NOTCH2NLB: variants seen among roughly 807,000 people sequenced by gnomAD.
NOTCH2NLB encodes the protein notch 2 N-terminal like B.
Under a neutral mutation model 14.8 loss-of-function variants are expected in NOTCH2NLB, and 1 was observed. The observed-to-expected ratio is 0.07, with a 90% CI of 0.02 to 0.32. NOTCH2NLB has a LOEUF of 0.32. Among genes scored for constraint, NOTCH2NLB ranks in the 10% least tolerant of loss-of-function variants. The pLI is 1.00. For missense variants in NOTCH2NLB, 11 were observed against 155.0 expected, an observed-to-expected ratio of 0.07 and a Z score of 4.93; for synonymous variants, 6 against 57.5, an observed-to-expected ratio of 0.10 and a Z score of 4.05.
rs1663576633 is a variant in NOTCH2NLB, at chr1:148,608,436, C to T, written c.338-691G>A. 3.3e-5 allele frequency among the ~76,000 whole-genome samples: 5 copies of T among 151,942 alleles called. No homozygotes were observed. In the South Asian group the frequency reaches 1.0e-3, roughly 32 times the overall value. ...CTTCTGTTTTCCTAGTGAACTCTCC[C>T]TATCTTGGCAACTCTACTCAAAAGT... is the stretch of plus-strand genomic sequence containing the variant. On this transcript the variant is annotated intron_variant, in intron 3 of 4. Transcript: ENST00000593495.
intron 1 of NOTCH2NLB, among the ~76,000 whole-genome samples, chr1:148,673,613 C>A (rs1266550606): frequency 1.4e-5 from 2 of 139,156 alleles, no homozygotes; most frequent in Non-Finnish European, 3.2e-5. Flanking sequence ...ACAACACAAA[C>A]AGAAGTCCGA....
intron 3 of NOTCH2NLB, among the ~76,000 whole-genome samples, chr1:148,615,110 T>C (rs1285434490): frequency 7.2e-6 from 1 of 139,588 alleles, no homozygotes; most frequent in African/African-American, 2.5e-5. Context: ...TTTAGTGAAG[T>C]AAACTCTGAT....
rs1407196647 is a variant in NOTCH2NLB, at chr1:148,637,072, T to C, written c.77+2944A>G. On this transcript the variant is annotated intron_variant, in intron 2 of 4. Coordinates refer to ENST00000593495, the Ensembl canonical transcript of NOTCH2NLB. ...AATTTAGGCAGCTCCATTTTCTTTT[T>C]TTTTTTTTTTTTTGGAGACACAGTC... Among the ~76,000 whole-genome samples the C allele has an allele frequency of 5.8e-3, 705 of 120,880 alleles. 1 individual carries two copies. The highest frequency in any genetic ancestry group is 7.8e-3 in the Non-Finnish European group (439 of 56,434). The allele number at this position is 120,880 out of a possible 152,430, so 79.3% of individuals were successfully genotyped here.
rs1664224934 is a variant in NOTCH2NLB at position 148,637,244 on chromosome 1, ATT to A, written c.77+2770_77+2771del. Among the ~76,000 whole-genome samples, 7 of 142,898 alleles carry A rather than the reference ATT, an allele frequency of 4.9e-5. No homozygotes were observed. In the South Asian group the frequency reaches 1.6e-3, roughly 33 times the overall value. 93.7% of individuals were successfully genotyped at this position (142,898 alleles called of 152,430 possible). A position where few individuals can be genotyped will look rare whatever the true frequency, so the allele number is the denominator to read the frequency against. On this transcript the variant is annotated intron_variant, in intron 2 of 4. Coordinates refer to ENST00000593495, the Ensembl canonical transcript of NOTCH2NLB. ...CCACCACGCCCAGCTAATTTTTTGC[ATT>A]TTTAGTAGAGATGGGATTTCACCGT...
In NOTCH2NLB at chr1:148,654,775, A is replaced by G. The variant is rs1215340314; in HGVS notation, c.4-14686T>C. Among the ~76,000 whole-genome samples the G allele has an allele frequency of 5.3e-5, 5 of 95,180 alleles. 2 individuals are homozygous for G. Among genetic ancestry groups the G allele is most frequent in the Middle Eastern group, 0.011 (2 of 188 alleles). 62.4% of individuals were successfully genotyped at this position (95,180 alleles called of 152,430 possible). ...AATTAAAATAAAGTTTTAAGCTATA[A>G]TAAGTCTATAATAAATAATATACTC... On this transcript the variant is annotated intron_variant, in intron 1 of 4. Coordinates refer to ENST00000593495, the Ensembl canonical transcript of NOTCH2NLB.
intron 2 of NOTCH2NLB, among the ~76,000 whole-genome samples, chr1:148,637,508 T>A (rs1664233154): frequency 6.8e-6 from 1 of 146,062 alleles, no homozygotes; most frequent in Non-Finnish European, 1.5e-5. Context: ...AGTTGAATGA[T>A]CTTCAAATAG....
Position 148,625,710 on chromosome 1 carries a change from A to G in NOTCH2NLB, c.78-9760T>C, listed in dbSNP as rs1327030337. ...GCCCTAGCTGAGCTCTAGAGGGGGG[A>G]GCTGTCGTTAAGGTAAATGAGGTAA... On this transcript the variant is annotated intron_variant, in intron 2 of 4. Transcript: ENST00000593495. Among the ~76,000 whole-genome samples, 10 of 112,182 alleles carry G rather than the reference A, an allele frequency of 8.9e-5. 1 individual carries two copies. Among genetic ancestry groups the G allele is most frequent in the Admixed American group, 4.2e-4 (5 of 11,872 alleles). 73.6% of individuals were successfully genotyped at this position (112,182 alleles called of 152,430 possible). A position where few individuals can be genotyped will look rare whatever the true frequency, so the allele number is the denominator to read the frequency against.
intron 2 of NOTCH2NLB, among the ~76,000 whole-genome samples, chr1:148,627,890 TCTGTGGAATCTTTACCCCTTAAAAAGA>T (rs1664022943): frequency 7.3e-6 from 1 of 136,786 alleles, no homozygotes. Context: ...AATGAAGGGC[TCTGTGGAATCTTTACCCCTTAAAAAGA>T]CCCTATAAAT....
At chr1:148,637,700 C>A (rs1412647646) in intron 2 of NOTCH2NLB, among the ~76,000 whole-genome samples, 1 of 140,486 alleles carries the variant, frequency 7.1e-6, no homozygotes, top group East Asian at 2.0e-4. Context: ...GGTTTTAAGC[C>A]CCACGTGCAT....
At chr1:148,703,597 T>C in the NOTCH2NLB span, among the ~76,000 whole-genome samples, 1 of 8,930 alleles carries the variant, frequency 1.1e-4, no homozygotes, top group African/African-American at 3.3e-4. Context: ...AGCATCAGCA[T>C]AGACCCAGTT....
chr1:148,649,534 G>A (rs1424125782), intron 1 of NOTCH2NLB, among the ~76,000 whole-genome samples: 1 of 101,906 alleles, frequency 9.8e-6, no homozygotes, highest in Non-Finnish European at 1.9e-5. Context: ...TTTTTGAGAT[G>A]GAGTCTCGCT....
At chr1:148,661,351 C>A (rs1190889367) in intron 1 of NOTCH2NLB, among the ~76,000 whole-genome samples, 1 of 150,204 alleles carries the variant, frequency 6.7e-6, no homozygotes, top group Non-Finnish European at 1.5e-5. Context: ...CCAACACACA[C>A]ACACACACAC....
At chr1:148,674,973 A>T (rs1332246647) in intron 1 of NOTCH2NLB, among the ~76,000 whole-genome samples, 1 of 96,700 alleles carries the variant, frequency 1.0e-5, no homozygotes, top group African/African-American at 3.3e-5. Flanking sequence ...ATCAAAATAA[A>T]TATAAACTTA....
At chr1:148,610,001 C>T (rs1217647243) in intron 3 of NOTCH2NLB, among the ~76,000 whole-genome samples, 4 of 143,096 alleles carry the variant, frequency 2.8e-5, no homozygotes, top group Non-Finnish European at 4.6e-5. Context: ...ACAGAAAGAT[C>T]CCCGGACCGG....
At position 148,610,216 on chromosome 1, in the gene NOTCH2NLB, AGGT is replaced by A. The variant is rs1439983317; in HGVS notation, c.338-2474_338-2472del. 1.5e-5 allele frequency among the ~76,000 whole-genome samples: 2 copies of A among 130,208 alleles called. 1 individual carries two copies. Among genetic ancestry groups the A allele is most frequent in the African/African-American group, 6.3e-5 (2 of 31,894 alleles). 85.4% of individuals were successfully genotyped at this position (130,208 alleles called of 152,430 possible). A position where few individuals can be genotyped will look rare whatever the true frequency, so the allele number is the denominator to read the frequency against. ...GGCACAAGAATCACTCGAACCCAAGAGGTGGAGGTTGCAGTGAGCCGAGACTGC... is the reference window on the plus strand; with the variant it reads ...GGCACAAGAATCACTCGAACCCAAGAGGAGGTTGCAGTGAGCCGAGACTGC... On this transcript the variant is annotated intron_variant, in intron 3 of 4. Transcript: ENST00000593495.
chr1:148,712,220 G>C, the NOTCH2NLB span, among the ~76,000 whole-genome samples: 1 of 107,518 alleles, frequency 9.3e-6, no homozygotes, highest in African/African-American at 3.8e-5. Context: ...CAAGTTGAAA[G>C]AATGGTGCAG....
At chr1:148,627,617 T>A (rs1417583687) in intron 2 of NOTCH2NLB, among the ~76,000 whole-genome samples, 1 of 151,266 alleles carries the variant, frequency 6.6e-6, no homozygotes, top group Non-Finnish European at 1.5e-5. Context: ...GTACACGCTG[T>A]TCAGTCAGCC....
the NOTCH2NLB span, among the ~76,000 whole-genome samples, chr1:148,703,089 G>A: frequency 3.2e-5 from 1 of 31,332 alleles, no homozygotes; most frequent in Admixed American, 3.2e-4. Context: ...TCCAGCCTGG[G>A]CGACAGCGAG....
intron 2 of NOTCH2NLB, among the ~76,000 whole-genome samples, chr1:148,622,328 T>C (rs1333807916): frequency 2.9e-4 from 32 of 110,572 alleles, no homozygotes; most frequent in East Asian, 1.9e-3. Flanking sequence ...CAAGATCGCG[T>C]CACTGCACTC....
Sources: gnomAD v4.1 joint callset for allele counts (sites outside exome capture counted in the v4.1 genomes callset) on GRCh38, gnomAD v4.1.1 for gene constraint, MANE v1.5 for transcripts, NCBI Gene and HGNC (gene_info 2026-07-23, HGNC 2026-07-21) for gene names.